ATP2B2: variants seen among roughly 807,000 people sequenced by gnomAD.
ATP2B2 encodes plasma membrane calcium-transporting ATPase 2.
A neutral mutation model predicts 120.0 loss-of-function variants in ATP2B2; 15 were observed. The observed-to-expected ratio is 0.12, with a 90% CI of 0.08 to 0.19. The LOEUF (loss-of-function observed/expected upper bound fraction) is 0.19, where lower values mean the gene tolerates loss of function less well. Ranked by LOEUF, ATP2B2 falls within the 10% of genes least tolerant of loss-of-function variation. The probability of loss-of-function intolerance (pLI) is 1.00; values close to 1 mark genes in which losing one functional copy is unlikely to be tolerated. For synonymous variants in ATP2B2, 694 were observed against 700.3 expected (o/e 0.99, Z 0.14); for missense variants, 1,045 against 1,719.8 (o/e 0.61, Z 6.94).
In ATP2B2 at chr3:10,331,476, C is replaced by T. The variant is rs554179363; in HGVS notation, c.3421-2351G>A. On this transcript the variant is annotated intron_variant, in intron 22 of 22. Coordinates refer to ENST00000360273, the MANE Select transcript of ATP2B2 (RefSeq NM_001001331.4). ...CAGGACCCTGTCATGTGACTGACAA[C>T]GCAGAGGGGATGACACACAATGAGA... is the stretch of plus-strand genomic sequence containing the variant. Among the ~76,000 whole-genome samples the T allele has an allele frequency of 5.9e-5, 9 of 152,210 alleles. No individual in the cohort carries two copies. The South Asian group carries it at 1.0e-3, about 18-fold the overall frequency.
At chr3:10,519,332 C>G (rs9879515) in intron 3 of ATP2B2, among the ~76,000 whole-genome samples, 2 of 152,166 alleles carry the variant, frequency 1.3e-5, no homozygotes, top group South Asian at 4.1e-4. Flanking sequence ...GTGGCCGAGG[C>G]GGGAGTGAAT....
chr3:10,329,282 G>A lies in ATP2B2; in HGVS notation c.3421-157C>T, dbSNP rs1056838785. Among the ~76,000 whole-genome samples, 9 of 151,712 alleles carry A rather than the reference G, an allele frequency of 5.9e-5. No homozygotes were observed. The highest frequency in any genetic ancestry group is 1.0e-4 in the Non-Finnish European group (7 of 67,932). ...ATTAGCATTGACAGGATGGGGGAGA[G>A]TGAAAAAGGGGGCTCAGGTTATAGG... On this transcript the variant is annotated intron_variant, in intron 22 of 22. Transcript: ENST00000360273. The surrounding 1 kb of genome is among the most constrained non-coding windows in gnomAD (Gnocchi z 5.9).
chr3:10,385,405 T>G, intron 7 of ATP2B2, 78 bp from the exon 8 acceptor site: 5 of 1,279,126 alleles, frequency 3.9e-6, no homozygotes, highest in Non-Finnish European at 5.7e-6. Flanking sequence ...TGAACCAACT[T>G]GTGGGGAGAT....
At chr3:10,612,970 G>T (rs2069282447) in intron 2 of ATP2B2, among the ~76,000 whole-genome samples, 12 of 152,182 alleles carry the variant, frequency 7.9e-5, no homozygotes, top group Admixed American at 7.9e-4. Context: ...GAGTCAGGAT[G>T]GGGGCTGGGC....
intron 1 of ATP2B2, among the ~76,000 whole-genome samples, chr3:10,482,663 G>C (rs1248126693): frequency 6.6e-6 from 1 of 152,182 alleles, no homozygotes; most frequent in East Asian, 1.9e-4. Flanking sequence ...CCAGTGCCAG[G>C]TCTCCCCCCT....
chr3:10,659,094 G>GAA (rs2070713566), intron 1 of ATP2B2, among the ~76,000 whole-genome samples: 2 of 152,058 alleles, frequency 1.3e-5, no homozygotes, highest in African/African-American at 4.8e-5. Context: ...CCTGAAGGAA[G>GAA]GACTAAACAT....
rs539390747 is a variant in ATP2B2, at chr3:10,590,493, C to T, written c.-415+29424G>A. Among the ~76,000 whole-genome samples, 33 of 152,342 alleles carry T rather than the reference C, an allele frequency of 2.2e-4. No homozygotes were observed. In the South Asian group the frequency reaches 6.6e-3, roughly 31 times the overall value. On this transcript the variant is annotated intron_variant, in intron 2 of 21. Coordinates refer to the ATP2B2 transcript ENST00000646379. ...AGCCTCGCTGAAGGCTCCAGGGCCA[C>T]CTCCTGGGCCATTTCTTCCTCCTGT...
chr3:10,333,491 G>A (rs2060036589), intron 22 of ATP2B2, among the ~76,000 whole-genome samples: 1 of 152,098 alleles, frequency 6.6e-6, no homozygotes, highest in South Asian at 2.1e-4. Flanking sequence ...AGAGTCCTTG[G>A]AGACCAGAGG....
intron 2 of ATP2B2, among the ~76,000 whole-genome samples, chr3:10,420,361 CTTTT>C (rs57911821): frequency 3.6e-5 from 5 of 139,948 alleles, no homozygotes; most frequent in South Asian, 2.3e-4. Context: ...CTTGGTTTCA[CTTTT>C]TTTTTTTTTT....
intron 1 of ATP2B2, among the ~76,000 whole-genome samples, chr3:10,461,505 A>G (rs2064488646): frequency 6.6e-6 from 1 of 152,140 alleles, no homozygotes; most frequent in Non-Finnish European, 1.5e-5. Flanking sequence ...TCCTCTCCTG[A>G]TAAAGTCTTC....
chr3:10,594,284 A>G (rs1423711986), intron 2 of ATP2B2, among the ~76,000 whole-genome samples: 1 of 152,196 alleles, frequency 6.6e-6, no homozygotes, highest in Non-Finnish European at 1.5e-5. Context: ...TTATTGTGGC[A>G]CTATTCACAA....
intron 1 of ATP2B2, among the ~76,000 whole-genome samples, chr3:10,487,818 C>T (rs766960632): frequency 6.6e-5 from 10 of 152,232 alleles, no homozygotes; most frequent in Admixed American, 2.0e-4. Context: ...CGCATCCTGT[C>T]ATGTCCCTGT....
At chr3:10,337,524 G>A (rs558956090) in intron 22 of ATP2B2, among the ~76,000 whole-genome samples, 1 of 152,066 alleles carries the variant, frequency 6.6e-6, no homozygotes, top group African/African-American at 2.4e-5. Flanking sequence ...GGGGAGGCGC[G>A]CAGGTGTGTC....
At chr3:10,591,004 G>A (rs2068631412) in intron 2 of ATP2B2, among the ~76,000 whole-genome samples, 1 of 151,896 alleles carries the variant, frequency 6.6e-6, no homozygotes, top group Non-Finnish European at 1.5e-5. Flanking sequence ...CTGTAGGTAT[G>A]TGAGCTTATA....
intron 1 of ATP2B2, among the ~76,000 whole-genome samples, chr3:10,494,422 C>T (rs2066058917): frequency 6.6e-6 from 1 of 152,138 alleles, no homozygotes; most frequent in Non-Finnish European, 1.5e-5. Flanking sequence ...TGCTCAAGGT[C>T]ACATAGCTCG....
At position 10,342,995 on chromosome 3, in the gene ATP2B2, T is replaced by C. The variant is rs1163500691; in HGVS notation, c.2704-30A>G. 1 of 1,605,844 alleles carries C rather than the reference T, an allele frequency of 6.2e-7. No homozygotes were observed. The highest frequency in any genetic ancestry group is 8.5e-7 in the Non-Finnish European group (1 of 1,173,260). On this transcript the variant is annotated intron_variant, in intron 18 of 22. Coordinates refer to ENST00000360273, the MANE Select transcript of ATP2B2 (RefSeq NM_001001331.4). The surrounding 1 kb of genome is among the most constrained non-coding windows in gnomAD (Gnocchi z 4.4). ...GGACGGGCAGGAGAGGGCTGTCACC[T>C]GTGCGCCCACCTGCTGCTGTGAAGT...
At position 10,512,464 on chromosome 3, in the gene ATP2B2, GCACACACACACA is replaced by G. The variant is rs6147706; in HGVS notation, c.-320+21563_-320+21574del. Among the ~76,000 whole-genome samples the G allele has an allele frequency of 1.7e-3, 236 of 137,010 alleles. 3 individuals are homozygous for G. Among genetic ancestry groups the G allele is most frequent in the South Asian group, 7.0e-3 (30 of 4,288 alleles). 89.9% of individuals were successfully genotyped at this position (137,010 alleles called of 152,430 possible). A position where few individuals can be genotyped will look rare whatever the true frequency, so the allele number is the denominator to read the frequency against. ...TATTCCTGGGTGCTAAAGTGTGTGC[GCACACACACACA>G]CACACACACACACACACACACACAC... On this transcript the variant is annotated intron_variant, in intron 3 of 21. Coordinates refer to the ATP2B2 transcript ENST00000646379.
chr3:10,360,348 A>T (rs1412237144), intron 12 of ATP2B2, among the ~76,000 whole-genome samples: 1 of 152,270 alleles, frequency 6.6e-6, no homozygotes, highest in Non-Finnish European at 1.5e-5. Context: ...TTTTAAAAAA[A>T]TTATGAATTA....
intron 1 of ATP2B2, among the ~76,000 whole-genome samples, chr3:10,494,517 T>C (rs2066063483): frequency 6.6e-6 from 1 of 152,188 alleles, no homozygotes; most frequent in South Asian, 2.1e-4. Context: ...CCAGTTAAGA[T>C]GCCACAATTC....
Sources: allele counts gnomAD v4.1 joint callset (sites outside exome capture counted in the v4.1 genomes callset), GRCh38; gene constraint gnomAD v4.1.1; non-coding constraint Gnocchi (gnomAD v3.1); transcripts MANE v1.5; gene names NCBI Gene and HGNC (gene_info 2026-07-23, HGNC 2026-07-21).